MIA2: variants seen among roughly 807,000 people sequenced by gnomAD.
The protein encoded by MIA2 is melanoma inhibitory activity protein 2.
Under a neutral mutation model 167.8 loss-of-function variants are expected in MIA2, and 127 were observed. The observed-to-expected ratio is 0.76, with a 90% CI of 0.66 to 0.88. The LOEUF (loss-of-function observed/expected upper bound fraction) is 0.88, where lower values mean the gene tolerates loss of function less well. Ranked by LOEUF, MIA2 falls within the 40% of genes least tolerant of loss-of-function variation. MIA2 has a pLI of 0.00. For missense variants in MIA2, 1,690 were observed against 1,624.7 expected (o/e 1.04, Z -0.69); for synonymous variants, 552 against 541.9 (o/e 1.02, Z -0.26).
At chr14:39,251,246 A>T (rs1435054949) in intron 4 of MIA2, among the ~76,000 whole-genome samples, 1 of 152,156 alleles carries the variant, frequency 6.6e-6, no homozygotes, top group Non-Finnish European at 1.5e-5. Flanking sequence ...AAACTAGGGA[A>T]CGGTTATTTA....
chr14:39,291,901 A>T (rs1045891935), intron 10 of MIA2, among the ~76,000 whole-genome samples: 49 of 152,238 alleles, frequency 3.2e-4, no homozygotes, highest in Non-Finnish European at 7.3e-5. Context: ...AGGATAGCAG[A>T]GGACACCTGC....
Position 39,319,259 on chromosome 14 carries a change from C to T in MIA2, c.3335C>T (p.Ala1112Val), listed in dbSNP as rs370395581. 3 of 1,564,100 alleles carry T rather than the reference C, an allele frequency of 1.9e-6. No homozygotes were observed. Among genetic ancestry groups the T allele is most frequent in the Non-Finnish European group, 2.6e-6 (3 of 1,153,616 alleles). ...KFELLEKDPY[A>V]LDVPNTAFGR... The stretch of plus-strand genomic sequence containing the variant: ...GAACTTTTAGAAAAAGATCCTTATG[C>T]ACTCGATGTTCCAAATACAGCATTT... The change falls in exon 23 of 29, where the codon GCA (alanine) becomes GTA (valine). Residue 1112 changes from alanine to valine, a missense_variant. Ala to Val is a moderately conservative substitution (Grantham distance 64). Transcript: ENST00000640607.
In MIA2 at chr14:39,259,243, G is replaced by A. The variant is rs561243335; in HGVS notation, c.1887+6072G>A. 2.0e-5 allele frequency among the ~76,000 whole-genome samples: 3 copies of A among 152,344 alleles called. No individual in the cohort carries two copies. The East Asian group carries it at 5.8e-4, about 29-fold the overall frequency. On this transcript the variant is annotated intron_variant, in intron 6 of 28. Coordinates refer to ENST00000640607, the MANE Select transcript of MIA2 (RefSeq NM_001329214.4). ...TCTGTCCCAGGGAAATGGGGGTTTTGTCTGTAAGCCCCTAACTGGGGCTCT... is the reference window on the plus strand; with the variant it reads ...TCTGTCCCAGGGAAATGGGGGTTTTATCTGTAAGCCCCTAACTGGGGCTCT...
chr14:39,257,493 G>A (rs981103051), intron 6 of MIA2, among the ~76,000 whole-genome samples: 4 of 151,556 alleles, frequency 2.6e-5, no homozygotes, highest in South Asian at 4.2e-4. Context: ...ACGTGAGATG[G>A]GTCTCCTGAA....
chr14:39,251,321 C>T (rs1292219249), intron 4 of MIA2, among the ~76,000 whole-genome samples: 1 of 151,958 alleles, frequency 6.6e-6, no homozygotes, highest in East Asian at 1.9e-4. Context: ...TAATGAGTCT[C>T]CCCAGTACAG....
intron 9 of MIA2, among the ~76,000 whole-genome samples, chr14:39,287,165 C>T (rs2059939200): frequency 6.6e-6 from 1 of 152,150 alleles, no homozygotes; most frequent in South Asian, 2.1e-4. Flanking sequence ...CCTCAGCCTC[C>T]CGGGTTCAGG....
Position 39,321,142 on chromosome 14 carries a change from A to T in MIA2, c.3496+86A>T. On this transcript the variant is annotated intron_variant, in intron 24 of 28. Transcript: ENST00000640607. ...AACTTACCTTAAAAATGATCTGTAA[A>T]ATATTTGGAAAATACAGGCATTCCT... 3 of 1,361,054 alleles carry T rather than the reference A, an allele frequency of 2.2e-6. No homozygotes were observed. In the East Asian group the frequency reaches 7.3e-5, roughly 33 times the overall value. 84.3% of individuals were successfully genotyped at this position (1,361,054 alleles called of 1,614,324 possible).
At chr14:39,358,965 G>T (rs2074605373) in intron 23 of MIA2, among the ~76,000 whole-genome samples, 1 of 152,188 alleles carries the variant, frequency 6.6e-6, no homozygotes. Context: ...TGCCCCTACT[G>T]GGGGATGCCT....
chr14:39,294,292 G>A (rs1404706842), intron 12 of MIA2, among the ~76,000 whole-genome samples: 2 of 151,972 alleles, frequency 1.3e-5, no homozygotes, highest in Non-Finnish European at 2.9e-5. Context: ...CCACCTCCTG[G>A]GTTCAAGCAG....
chr14:39,324,738 C>G (rs1035368948), intron 24 of MIA2, among the ~76,000 whole-genome samples: 1 of 151,990 alleles, frequency 6.6e-6, no homozygotes, highest in Non-Finnish European at 1.5e-5. Flanking sequence ...TCCCGAGTAG[C>G]TGGGATTACA....
chr14:39,265,309 G>A (rs2055419502), intron 6 of MIA2: 1 of 1,045,508 alleles, frequency 9.6e-7, no homozygotes, highest in South Asian at 1.3e-5. Context: ...GGATATATTA[G>A]AATCTGAAAT....
At position 39,350,392 on chromosome 14, in the gene MIA2, T is replaced by C; in HGVS notation, c.*128T>C. On this transcript the variant is annotated 3_prime_UTR_variant, in exon 29 of 29. Coordinates refer to ENST00000640607, the MANE Select transcript of MIA2 (RefSeq NM_001329214.4). ...AATGGAATTATAATTCTCAGGATAG[T>C]ATTTTGTAAATAAAGATGATTTAAA... 1 of 480,006 alleles carries C rather than the reference T, an allele frequency of 2.1e-6. No homozygotes were observed. Among genetic ancestry groups the C allele is most frequent in the Non-Finnish European group, 3.8e-6 (1 of 266,298 alleles). The allele number at this position is 480,006 out of a possible 1,614,324, so 29.7% of individuals were successfully genotyped here. A position where few individuals can be genotyped will look rare whatever the true frequency, so the allele number is the denominator to read the frequency against.
At chr14:39,353,989 A>G (rs192419660), downstream of MIA2, among the ~76,000 whole-genome samples, 106 of 152,306 alleles carry the variant, frequency 7.0e-4, 3 homozygotes, top group South Asian at 0.01. Context: ...GTTGGTTCCA[A>G]GTCTTTGCTA....
At chr14:39,342,114 C>T (rs1050966689) in intron 25 of MIA2, among the ~76,000 whole-genome samples, 1 of 152,106 alleles carries the variant, frequency 6.6e-6, no homozygotes, top group Admixed American at 6.6e-5. Flanking sequence ...GTGTGCTACA[C>T]CCATTAACTA....
chr14:39,251,794 T>C (rs1194718049), intron 4 of MIA2, among the ~76,000 whole-genome samples: 1 of 152,326 alleles, frequency 6.6e-6, no homozygotes, highest in East Asian at 1.9e-4. Flanking sequence ...CAAAGTGCTA[T>C]GTTAAGACTC....
chr14:39,239,776 A>G (rs981118992), intron 2 of MIA2, among the ~76,000 whole-genome samples: 1 of 152,138 alleles, frequency 6.6e-6, no homozygotes, highest in Non-Finnish European at 1.5e-5. Flanking sequence ...TGTGCATTTG[A>G]TGTTTAGTTC....
chr14:39,236,849 G>T, intron 1 of MIA2, 73 bp from the exon 2 acceptor site: 1 of 1,383,188 alleles, frequency 7.2e-7, no homozygotes, highest in South Asian at 1.4e-5. Flanking sequence ...TGGATTGAGG[G>T]ACAGCAAGAT....
At chr14:39,376,328 GAAATT>G (rs1277676916) in intron 23 of MIA2, among the ~76,000 whole-genome samples, 1 of 152,106 alleles carries the variant, frequency 6.6e-6, no homozygotes, top group African/African-American at 2.4e-5. Context: ...TTTCAATATT[GAAATT>G]AAATGAGTTT....
intron 6 of MIA2, among the ~76,000 whole-genome samples, chr14:39,273,019 C>A (rs1030136083): frequency 6.6e-6 from 1 of 152,152 alleles, no homozygotes; most frequent in African/African-American, 2.4e-5. Flanking sequence ...CTTTGCTGAA[C>A]TTAATAGCTC....
Sources: allele counts gnomAD v4.1 joint callset (sites outside exome capture counted in the v4.1 genomes callset), GRCh38; gene constraint gnomAD v4.1.1; transcripts MANE v1.5; gene names NCBI Gene and HGNC (gene_info 2026-07-23, HGNC 2026-07-21).